Variants in ENY2 observed in about 807,000 individuals in gnomAD.
ENY2 encodes the protein ENY2 transcription and export complex 2 subunit, also known as transcription and mRNA export factor ENY2.
Under a neutral mutation model 15.9 loss-of-function variants are expected in ENY2, and 4 were observed. The ratio of observed to expected loss-of-function variants is 0.25; its 90% CI spans 0.12 to 0.57. The LOEUF is 0.57. Among genes scored for constraint, ENY2 ranks in the 20% least tolerant of loss-of-function variants. ENY2 has a pLI of 0.91. For missense variants in ENY2, 54 were observed against 117.2 expected (o/e 0.46, Z 2.49); for synonymous variants, 48 against 38.0 (o/e 1.26, Z -0.97).
intron 2 of ENY2, 49 bp from the exon 3 acceptor site, chr8:109,339,267 CCTGT>C (rs1424656749): frequency 1.0e-5 from 16 of 1,535,068 alleles, no homozygotes; most frequent in Admixed American, 5.2e-5. Flanking sequence ...TTCATACATT[CCTGT>C]CTAAGATGTT....
rs1372377760 is a variant in ENY2, at chr8:109,345,175, T to C, written c.*1694T>C. On this transcript the variant is annotated 3_prime_UTR_variant, in exon 5 of 5. Transcript: ENST00000521688. ...GACTTAGATCCCCCACTACTGTTTT[T>C]CTGTGAGAAGCAGCTATGCATAATT... 6.6e-6 allele frequency: 1 copy of C among 152,192 alleles called. No individual in the cohort carries two copies. Among genetic ancestry groups the C allele is most frequent in the African/African-American group, 2.4e-5 (1 of 41,450 alleles). 9.4% of individuals were successfully genotyped at this position (152,192 alleles called of 1,614,324 possible). A position where few individuals can be genotyped will look rare whatever the true frequency, so the allele number is the denominator to read the frequency against.
At chr8:109,335,616 C>G (rs1286308143) in intron 1 of ENY2, 1 of 152,364 alleles carries the variant, frequency 6.6e-6, no homozygotes, top group Admixed American at 6.5e-5. Context: ...CTGCCTGGGC[C>G]TCCCAAAGTG....
At chr8:109,340,872 T>G in intron 4 of ENY2, 2 of 230,514 alleles carry the variant, frequency 8.7e-6, no homozygotes, top group Non-Finnish European at 1.7e-5. Flanking sequence ...TTTATAAACT[T>G]TATCAGATAT....
chr8:109,340,408 A>G, intron 3 of ENY2, 81 bp from the exon 4 acceptor site: 1 of 1,576,482 alleles, frequency 6.3e-7, no homozygotes, highest in Non-Finnish European at 8.6e-7. Context: ...TAAAAACATG[A>G]TCTTAACCCT....
chr8:109,336,639 A>C (rs1750677613), intron 2 of ENY2: 1 of 156,660 alleles, frequency 6.4e-6, no homozygotes, highest in Admixed American at 6.4e-5. Flanking sequence ...TCTAATTTAT[A>C]TATTGTCTCT....
intron 4 of ENY2, 141 bp downstream of exon 4, chr8:109,340,704 C>T (rs571335453): frequency 2.7e-5 from 27 of 1,000,458 alleles, no homozygotes; most frequent in Admixed American, 5.4e-5. Flanking sequence ...AATTGCCTAC[C>T]TGCCTCCTAG....
rs1326490984 is a variant in ENY2, at chr8:109,340,321, C to G, written c.155-168C>G. 30 of 893,106 alleles carry G rather than the reference C, an allele frequency of 3.4e-5. No individual in the cohort carries two copies. The Admixed American group carries it at 8.5e-4, about 25-fold the overall frequency. 55.3% of individuals were successfully genotyped at this position (893,106 alleles called of 1,614,324 possible). ...TACGAACAACTTTTATCTTTTAGAT[C>G]TAAAGAATACTTGATGTGTTTGTAA... On this transcript the variant is annotated intron_variant, in intron 3 of 4. Transcript: ENST00000521688.
chr8:109,341,296 A>AATT (rs1384104135), intron 4 of ENY2, among the ~76,000 whole-genome samples: 1 of 152,146 alleles, frequency 6.6e-6, no homozygotes, highest in African/African-American at 2.4e-5. Flanking sequence ...TAAGTGTAAA[A>AATT]AGTAAATAAG....
At chr8:109,342,571 A>G in intron 4 of ENY2, 1 of 554,066 alleles carries the variant, frequency 1.8e-6, no homozygotes, top group Non-Finnish European at 3.2e-6. Flanking sequence ...GTGCGGTGGC[A>G]TGATCATGGC....
intron 2 of ENY2, among the ~76,000 whole-genome samples, chr8:109,337,356 T>G (rs200674473): frequency 1.2e-4 from 3 of 25,560 alleles, no homozygotes; most frequent in Admixed American, 1.1e-3. Context: ...TTGTATGTTG[T>G]TTTTTTTTTT....
chr8:109,336,920 A>ACAAATATGTATAAGGAAGAGG (rs1316807039), intron 2 of ENY2, among the ~76,000 whole-genome samples: 2 of 152,124 alleles, frequency 1.3e-5, no homozygotes, highest in African/African-American at 4.8e-5. Flanking sequence ...AGTGAGTAAG[A>ACAAATATGTATAAGGAAGAGG]CAAATATGTA....
rs1027271105 is a variant in ENY2 at position 109,334,551 on chromosome 8, G to A, written c.6+77G>A. 25 of 1,523,132 alleles carry A rather than the reference G, an allele frequency of 1.6e-5. No homozygotes were observed. In the African/African-American group the frequency reaches 2.6e-4, roughly 16 times the overall value. 94.4% of individuals were successfully genotyped at this position (1,523,132 alleles called of 1,614,324 possible). Reference sequence around the variant, plus strand: ...CCTTTCGATGTACTGTCTTTCGTTAGCGTCCCCGACCCGCGCTCGCGGGCC... The same window carrying A: ...CCTTTCGATGTACTGTCTTTCGTTAACGTCCCCGACCCGCGCTCGCGGGCC... On this transcript the variant is annotated intron_variant, in intron 1 of 4. Coordinates refer to ENST00000521688, the MANE Select transcript of ENY2 (RefSeq NM_020189.6).
intron 3 of ENY2, 179 bp from the exon 4 acceptor site, chr8:109,340,310 A>G (rs1816085766): frequency 2.5e-6 from 2 of 799,230 alleles, no homozygotes; most frequent in South Asian, 1.9e-5. Context: ...AACAACTTTT[A>G]TCTTTTAGAT....
Position 109,344,543 on chromosome 8 carries a change from C to T in ENY2, c.*1062C>T, listed in dbSNP as rs185077447. On this transcript the variant is annotated 3_prime_UTR_variant, in exon 5 of 5. Coordinates refer to ENST00000521688, the MANE Select transcript of ENY2 (RefSeq NM_020189.6). ...TTAGAATATCCTCACTTCAAACTGACCTTACCTAAAATAATGACTTTTTCC... is the reference window on the plus strand; with the variant it reads ...TTAGAATATCCTCACTTCAAACTGATCTTACCTAAAATAATGACTTTTTCC... 2 of 152,296 alleles carry T rather than the reference C, an allele frequency of 1.3e-5. No homozygotes were observed. Among genetic ancestry groups the T allele is most frequent in the Non-Finnish European group, 2.9e-5 (2 of 68,102 alleles). The allele number at this position is 152,296 out of a possible 1,614,324, so 9.4% of individuals were successfully genotyped here. A position where few individuals can be genotyped will look rare whatever the true frequency, so the allele number is the denominator to read the frequency against.
At chr8:109,340,336 T>C (rs894321585) in intron 3 of ENY2, 153 bp from the exon 4 acceptor site, 61 of 1,022,714 alleles carry the variant, frequency 6.0e-5, no homozygotes, top group Middle Eastern at 6.4e-4. Context: ...GAATACTTGA[T>C]GTGTTTGTAA....
At chr8:109,337,656 C>T (rs958711880) in intron 2 of ENY2, among the ~76,000 whole-genome samples, 1 of 152,196 alleles carries the variant, frequency 6.6e-6, no homozygotes, top group Non-Finnish European at 1.5e-5. Context: ...GTAATCCCAG[C>T]ACTTTGGGAG....
intron 1 of ENY2, 53 bp from the exon 2 acceptor site, chr8:109,336,075 G>A: frequency 1.3e-6 from 2 of 1,553,002 alleles, no homozygotes; most frequent in Non-Finnish European, 1.8e-6. Context: ...AGAGGATTTA[G>A]CAGAAAATGC....
chr8:109,336,021 C>T (rs1815974519), intron 1 of ENY2, 107 bp from the exon 2 acceptor site: 1 of 934,216 alleles, frequency 1.1e-6, no homozygotes, highest in Non-Finnish European at 1.7e-6. Flanking sequence ...AAATGTATCA[C>T]CCCTTCAGTT....
At chr8:109,341,811 G>A (rs1353616415) in intron 4 of ENY2, among the ~76,000 whole-genome samples, 3 of 152,078 alleles carry the variant, frequency 2.0e-5, no homozygotes, top group Admixed American at 1.3e-4. Flanking sequence ...ATAGGTTCGT[G>A]TAGCTACCAC....
Sources: allele counts gnomAD v4.1 joint callset (sites outside exome capture counted in the v4.1 genomes callset), GRCh38; gene constraint gnomAD v4.1.1; transcripts MANE v1.5; gene names NCBI Gene and HGNC (gene_info 2026-07-23, HGNC 2026-07-21).